The following PRKG1 variants were observed in gnomAD, a reference collection of about 807,000 sequenced individuals.
PRKG1 encodes the protein protein kinase cGMP-dependent 1.
A neutral mutation model predicts 88.1 loss-of-function variants in PRKG1; 35 were observed. The observed-to-expected ratio is 0.40, with a 90% confidence interval of 0.30 to 0.53. The LOEUF (loss-of-function observed/expected upper bound fraction) is 0.53, where lower values mean the gene tolerates loss of function less well. PRKG1 is among the 20% of genes least tolerant of loss of function. The probability of loss-of-function intolerance (pLI) is 0.59; values close to 1 mark genes in which losing one functional copy is unlikely to be tolerated. For synonymous variants in PRKG1, 303 were observed against 292.5 expected (o/e 1.04, Z -0.37); for missense variants, 540 against 839.8 (o/e 0.64, Z 4.41).
intron 3 of PRKG1, among the ~76,000 whole-genome samples, chr10:51,600,746 T>TA (rs1838575976): frequency 6.6e-6 from 1 of 152,158 alleles, no homozygotes; most frequent in African/African-American, 2.4e-5. Context: ...TTCAACTGCT[T>TA]ATCAGCCACA....
At chr10:51,403,786 A>G (rs1837826452) in intron 2 of PRKG1, among the ~76,000 whole-genome samples, 1 of 152,160 alleles carries the variant, frequency 6.6e-6, no homozygotes, top group Admixed American at 6.6e-5. Flanking sequence ...TATACAAACC[A>G]TCGAATTTCT....
chr10:52,054,532 G>T lies in PRKG1; in HGVS notation c.811G>T (p.Asp271Tyr). The T allele has an allele frequency of 6.2e-7, 1 of 1,613,848 alleles. No homozygotes were observed. The highest frequency in any genetic ancestry group is 8.5e-7 in the Non-Finnish European group (1 of 1,179,892). The change falls in exon 6 of 18, where the codon GAC becomes TAC. Residue 271 changes from aspartate to tyrosine, a missense_variant. Physicochemically the swap from Asp to Tyr is radical, Grantham distance 160. This residue lies in a region of PRKG1 where 400 missense variants were observed against 562.7 expected (regional missense o/e 0.71). Transcript: ENST00000373980. ...EYIIRQGARG[D>Y]TFFIISKGTV... Reference sequence around the variant, plus strand: ...TATTATCAGGCAAGGTGCAAGAGGGGACACCTTCTTTATCATCAGCAAAGG... The same window carrying T: ...TATTATCAGGCAAGGTGCAAGAGGGTACACCTTCTTTATCATCAGCAAAGG...
At chr10:51,950,713 A>G (rs760187967) in intron 5 of PRKG1, among the ~76,000 whole-genome samples, 21 of 152,270 alleles carry the variant, frequency 1.4e-4, no homozygotes, top group Non-Finnish European at 1.9e-4. Flanking sequence ...GCACGTCAGC[A>G]GCTCAGTCAG....
chr10:51,607,849 A>G (rs1241201635), intron 3 of PRKG1, among the ~76,000 whole-genome samples: 1 of 151,788 alleles, frequency 6.6e-6, no homozygotes, highest in Non-Finnish European at 1.5e-5. Context: ...AAAAAAAGAA[A>G]CTCTTGGAAC....
chr10:51,552,114 A>G (rs1367103832), intron 3 of PRKG1, among the ~76,000 whole-genome samples: 2 of 151,690 alleles, frequency 1.3e-5, no homozygotes, highest in Admixed American at 6.6e-5. Context: ...ACTTTAAAAT[A>G]AAGAAATACT....
At chr10:52,140,637 T>A (rs1837553747) in intron 8 of PRKG1, among the ~76,000 whole-genome samples, 1 of 152,126 alleles carries the variant, frequency 6.6e-6, no homozygotes, top group African/African-American at 2.4e-5. Context: ...TGCATTATGA[T>A]AACATACCCC....
At chr10:51,923,007 TATA>T in intron 5 of PRKG1, among the ~76,000 whole-genome samples, 1 of 152,190 alleles carries the variant, frequency 6.6e-6, no homozygotes, top group South Asian at 2.1e-4. Context: ...AATATCAAAT[TATA>T]ATAATAGATT....
intron 2 of PRKG1, among the ~76,000 whole-genome samples, chr10:51,414,492 G>A (rs914918970): frequency 3.9e-5 from 6 of 152,204 alleles, no homozygotes; most frequent in African/African-American, 1.4e-4. Context: ...AAGGAGGTGT[G>A]TAACGAGCTA....
chr10:51,230,777 T>C (rs1194161302), intron 2 of PRKG1, among the ~76,000 whole-genome samples: 1 of 149,762 alleles, frequency 6.7e-6, no homozygotes, highest in East Asian at 1.9e-4. Context: ...GCTTAGGAAA[T>C]AGTGACTAGA....
intron 8 of PRKG1, among the ~76,000 whole-genome samples, chr10:52,145,214 T>G (rs900568841): frequency 2.0e-5 from 3 of 152,216 alleles, no homozygotes; most frequent in Non-Finnish European, 4.4e-5. Flanking sequence ...TAATTACAGT[T>G]ATTGTTTTGT....
At chr10:51,100,757 G>T (rs566488016) in intron 1 of PRKG1, among the ~76,000 whole-genome samples, 94 of 152,276 alleles carry the variant, frequency 6.2e-4, no homozygotes, top group Admixed American at 1.3e-3. Flanking sequence ...TGAAAGGCAA[G>T]ACAGGAATGT....
At chr10:52,039,125 G>A (rs12246801) in intron 5 of PRKG1, among the ~76,000 whole-genome samples, 36,854 of 152,058 alleles carry the variant, frequency 0.24, 4,810 homozygotes, top group South Asian at 0.32. Flanking sequence ...ATGCACGTCC[G>A]TGTGAAGAGA....
chr10:52,116,137 G>C (rs1264883289), intron 7 of PRKG1, among the ~76,000 whole-genome samples: 3 of 152,148 alleles, frequency 2.0e-5, no homozygotes, highest in Non-Finnish European at 4.4e-5. Flanking sequence ...CTGCTGCTAT[G>C]ATTGGCTAAG....
At chr10:51,880,172 C>T (rs7918321) in intron 4 of PRKG1, among the ~76,000 whole-genome samples, 50,094 of 151,478 alleles carry the variant, frequency 0.33, 9,386 homozygotes, top group African/African-American at 0.47. Context: ...TTATGGTTTA[C>T]ATTTTACAAA....
intron 9 of PRKG1, among the ~76,000 whole-genome samples, chr10:52,239,465 C>G (rs1477749227): frequency 1.3e-4 from 14 of 110,718 alleles, no homozygotes; most frequent in Non-Finnish European, 2.4e-4. Context: ...TAAGGGAAAG[C>G]CAATAAAATA....
At chr10:51,983,356 G>A (rs995369478) in intron 5 of PRKG1, among the ~76,000 whole-genome samples, 18 of 152,124 alleles carry the variant, frequency 1.2e-4, no homozygotes, top group Admixed American at 1.0e-3. Context: ...GAACCGGTGG[G>A]CTGGTGTATG....
intron 1 of PRKG1, among the ~76,000 whole-genome samples, chr10:51,117,575 T>C (rs2131908956): frequency 6.6e-6 from 1 of 152,344 alleles, no homozygotes; most frequent in South Asian, 2.1e-4. Context: ...ACTGTGTGGG[T>C]ACTGTGTGTG....
intron 7 of PRKG1, among the ~76,000 whole-genome samples, chr10:52,124,365 G>A (rs913788905): frequency 6.6e-6 from 1 of 152,118 alleles, no homozygotes; most frequent in African/African-American, 2.4e-5. Context: ...ACTGAATACT[G>A]CAGGCAGTTG....
intron 3 of PRKG1, among the ~76,000 whole-genome samples, chr10:51,782,188 T>C (rs1351862828): frequency 6.6e-6 from 1 of 152,150 alleles, no homozygotes; most frequent in African/African-American, 2.4e-5. Context: ...CAAATACAGA[T>C]GGTCCTCAAC....
Sources: gnomAD v4.1 joint callset for allele counts (sites outside exome capture counted in the v4.1 genomes callset) on GRCh38, gnomAD v4.1.1 for gene constraint, gnomAD v4.1.1 regional missense constraint, MANE v1.5 for transcripts, NCBI Gene and HGNC (gene_info 2026-07-23, HGNC 2026-07-21) for gene names.